Variants in ATAD5 observed in about 807,000 individuals in gnomAD.
ATAD5 encodes ATPase family AAA domain containing 5.
Under a neutral mutation model 176.9 loss-of-function variants are expected in ATAD5, and 58 were observed. The ratio of observed to expected loss-of-function variants is 0.33; its 90% CI spans 0.27 to 0.41. ATAD5 has a LOEUF of 0.41. Ranked by LOEUF, ATAD5 falls within the 10% of genes least tolerant of loss-of-function variation. The probability of loss-of-function intolerance (pLI) is 1.00; values close to 1 mark genes in which losing one functional copy is unlikely to be tolerated. For missense variants in ATAD5, 1,789 were observed against 2,094.1 expected (o/e 0.85, Z 2.84); for synonymous variants, 640 against 712.6 (o/e 0.90, Z 1.62).
rs1284592557 is a variant in ATAD5, at chr17:30,878,726, T to TTTTTTTG, written c.4012+636_4012+637insGTTTTTT. Among the ~76,000 whole-genome samples the TTTTTTTG allele has an allele frequency of 1.7e-3, 154 of 89,036 alleles. 2 individuals are homozygous for TTTTTTTG. Among genetic ancestry groups the TTTTTTTG allele is most frequent in the Non-Finnish European group, 2.8e-3 (128 of 45,072 alleles). 58.4% of individuals were successfully genotyped at this position (89,036 alleles called of 152,430 possible). On this transcript the variant is annotated intron_variant, in intron 17 of 22. Coordinates refer to ENST00000321990, the MANE Select transcript of ATAD5 (RefSeq NM_024857.5). ...ATCAGAAGTTAGGTGGTGTTTTTTT[T>TTTTTTTG]TTTTTTTTTTTTTTTTTTTTTTGGA...
chr17:30,858,295 A>C lies in ATAD5; in HGVS notation c.2928A>C (p.Val976=). ...LLLKKQIEHQ[V]LSSECHSKQE... ...TAAAAAAACAAATTGAGCACCAAGT[A>C]CTTTCTTCCGAGTGTCATAGTAAAC... Residue 976 remains valine, a synonymous_variant, in exon 9 of 23, where the codon GTA becomes GTC. Transcript: ENST00000321990. The C allele has an allele frequency of 6.4e-7, 1 of 1,565,820 alleles. No individual in the cohort carries two copies. The highest frequency in any genetic ancestry group is 1.2e-5 in the South Asian group (1 of 81,210).
chr17:30,883,516 T>C (rs1376226311), intron 18 of ATAD5, among the ~76,000 whole-genome samples: 1 of 152,110 alleles, frequency 6.6e-6, no homozygotes, highest in Non-Finnish European at 1.5e-5. Context: ...AATATTTGGA[T>C]ATATTGTTGT....
intron 19 of ATAD5, among the ~76,000 whole-genome samples, chr17:30,889,421 A>G (rs1268250746): frequency 6.6e-6 from 1 of 151,580 alleles, no homozygotes; most frequent in East Asian, 1.9e-4. Context: ...AAATGATACT[A>G]TAATTATTAT....
rs372835210 is a variant in ATAD5 at position 30,853,087 on chromosome 17, G to A, written c.2451-2056G>A. Reference sequence around the variant, plus strand: ...GTATTTTTAGTAGAGATGGGGTTTCGCCATGTTGGCCTGGCTGGTCTTGAA... The same window carrying A: ...GTATTTTTAGTAGAGATGGGGTTTCACCATGTTGGCCTGGCTGGTCTTGAA... On this transcript the variant is annotated intron_variant, in intron 6 of 22. Coordinates refer to ENST00000321990, the MANE Select transcript of ATAD5 (RefSeq NM_024857.5). Among the ~76,000 whole-genome samples the A allele has an allele frequency of 4.1e-3, 615 of 151,534 alleles. 3 individuals carry two copies. Among genetic ancestry groups the A allele is most frequent in the South Asian group, 4.2e-3 (20 of 4,800 alleles).
intron 11 of ATAD5, 75 bp from the exon 12 acceptor site, chr17:30,868,258 G>T: frequency 8.1e-7 from 1 of 1,235,942 alleles, no homozygotes; most frequent in Non-Finnish European, 1.1e-6. Flanking sequence ...AACTTCCCCC[G>T]ATAATCATTT....
At chr17:30,842,691 C>T (rs890239452) in intron 4 of ATAD5, among the ~76,000 whole-genome samples, 24 of 152,090 alleles carry the variant, frequency 1.6e-4, no homozygotes, top group Middle Eastern at 3.2e-3. Context: ...ATTTGGAGTA[C>T]AGTCTGTTAG....
chr17:30,835,467 G>A lies in ATAD5; in HGVS notation c.1386G>A (p.Gln462=), dbSNP rs973671372. 1.2e-6 allele frequency: 2 copies of A among 1,609,558 alleles called. No homozygotes were observed. Among genetic ancestry groups the A allele is most frequent in the Admixed American group, 1.7e-5 (1 of 59,316 alleles). Residue 462 remains glutamine (Q), a synonymous_variant, in exon 2 of 23, where the codon CAG becomes CAA. Transcript: ENST00000321990. Reference sequence around the variant, plus strand: ...TGGTTTCAAAAAATGGCAATTTACAGTTACACACTGATAAAGGAAGTTTTC... The same window carrying A: ...TGGTTTCAAAAAATGGCAATTTACAATTACACACTGATAAAGGAAGTTTTC... ...IQMVSKNGNL[Q]LHTDKGSFLK...
intron 6 of ATAD5, among the ~76,000 whole-genome samples, chr17:30,852,066 T>C (rs183525632): frequency 7.1e-4 from 108 of 152,342 alleles, no homozygotes; most frequent in Admixed American, 7.1e-3. Context: ...CACATGATGA[T>C]GGTTTCCAAA....
intron 14 of ATAD5, among the ~76,000 whole-genome samples, chr17:30,871,311 T>C (rs1250447043): frequency 6.6e-6 from 1 of 151,582 alleles, no homozygotes; most frequent in Admixed American, 6.6e-5. Context: ...TTATAACAAC[T>C]GTTTTAATGG....
chr17:30,859,770 C>T (rs1244057885), intron 9 of ATAD5, among the ~76,000 whole-genome samples: 3 of 145,116 alleles, frequency 2.1e-5, no homozygotes, highest in South Asian at 2.4e-4. Context: ...CTTGCTCTGC[C>T]GCCCAGGCAG....
In ATAD5 at chr17:30,866,850, A is replaced by G. The variant is rs115904936; in HGVS notation, c.3233+1050A>G. Among the ~76,000 whole-genome samples, 841 of 152,168 alleles carry G rather than the reference A, an allele frequency of 5.5e-3. 3 individuals are homozygous for G. The highest frequency in any genetic ancestry group is 0.017 in the Middle Eastern group (5 of 294). On this transcript the variant is annotated intron_variant, in intron 11 of 22. Transcript: ENST00000321990. ...AAAAAAACAAACCAAACCAACTTAAATGATTATGGGTGTACTGCCTAGACC... is the reference window on the plus strand; with the variant it reads ...AAAAAAACAAACCAAACCAACTTAAGTGATTATGGGTGTACTGCCTAGACC...
rs200119123 is a variant in ATAD5 at position 30,887,251 on chromosome 17, A to G, written c.4137A>G (p.Val1379=). 2.5e-6 allele frequency: 4 copies of G among 1,607,362 alleles called. No homozygotes were observed. The East Asian group carries it at 6.7e-5, about 27-fold the overall frequency. ...ICLTENFRTD[V]KDFVTLLTAN... is the part of the protein sequence containing the mutation. ...TAACTGAGAATTTTAGAACTGATGTAAAAGACTTTGTAACCTTGTTAACTG... is the reference window on the plus strand; with the variant it reads ...TAACTGAGAATTTTAGAACTGATGTGAAAGACTTTGTAACCTTGTTAACTG... Residue 1379 remains valine (V), a synonymous_variant, in exon 19 of 23, where the codon GTA becomes GTG. Coordinates refer to ENST00000321990, the MANE Select transcript of ATAD5 (RefSeq NM_024857.5).
chr17:30,870,643 A>T (rs996499591), intron 14 of ATAD5, among the ~76,000 whole-genome samples: 2 of 152,202 alleles, frequency 1.3e-5, no homozygotes, highest in Non-Finnish European at 2.9e-5. Flanking sequence ...GTTTATAGGC[A>T]CCAGAAATGC....
chr17:30,860,563 A>G lies in ATAD5; in HGVS notation c.3087A>G (p.Glu1029=). 6.3e-7 allele frequency: 1 copy of G among 1,586,688 alleles called. No homozygotes were observed. The highest frequency in any genetic ancestry group is 1.2e-5 in the South Asian group (1 of 85,242). The change falls in exon 10 of 23, where the codon GAA becomes GAG. Residue 1029 remains glutamate, a synonymous_variant. Coordinates refer to ENST00000321990, the MANE Select transcript of ATAD5 (RefSeq NM_024857.5). ...AGAAGACCAATAGGAAGTCAGAAGAACTTAGCAAAAGAAACAACTCTTCTG... is the reference window on the plus strand; with the variant it reads ...AGAAGACCAATAGGAAGTCAGAAGAGCTTAGCAAAAGAAACAACTCTTCTG... The part of the protein sequence containing the change: ...NLEKTNRKSE[E]LSKRNNSSGI...
intron 19 of ATAD5, among the ~76,000 whole-genome samples, chr17:30,891,802 C>T (rs558422885): frequency 6.6e-6 from 1 of 152,266 alleles, no homozygotes; most frequent in South Asian, 2.1e-4. Flanking sequence ...TCTCCTGCTT[C>T]AGCCTCCCTA....
chr17:30,856,200 G>A (rs114261181), intron 7 of ATAD5, among the ~76,000 whole-genome samples: 4,050 of 152,226 alleles, frequency 0.027, 196 homozygotes, highest in African/African-American at 0.092. Context: ...ATTATTGAAC[G>A]CTTACTATTG....
intron 20 of ATAD5, 137 bp downstream of exon 20, chr17:30,892,925 A>T: frequency 1.4e-6 from 1 of 728,954 alleles, no homozygotes. Flanking sequence ...TCTGATTTTA[A>T]CACATCCTAC....
chr17:30,894,481 C>A, intron 21 of ATAD5, 83 bp from the exon 22 acceptor site: 2 of 1,357,386 alleles, frequency 1.5e-6, no homozygotes, highest in Non-Finnish European at 1.0e-6. Context: ...AGACCAGAGG[C>A]AAGGAAACTA....
intron 11 of ATAD5, 126 bp downstream of exon 11, chr17:30,865,926 A>G (rs2062078409): frequency 5.6e-6 from 3 of 533,744 alleles, no homozygotes; most frequent in African/African-American, 2.0e-5. Context: ...GTAGAAGTTT[A>G]AGTGAAAAGT....
Sources: gnomAD v4.1 joint callset for allele counts (sites outside exome capture counted in the v4.1 genomes callset) on GRCh38, gnomAD v4.1.1 for gene constraint, MANE v1.5 for transcripts, NCBI Gene and HGNC (gene_info 2026-07-23, HGNC 2026-07-21) for gene names.